The following SLC25A48 variants were observed in gnomAD, a reference collection of about 807,000 sequenced individuals.
SLC25A48 encodes the protein CTC-321K16.1.
In SLC25A48, 29 loss-of-function variants were observed where a neutral mutation model predicts 32.2. That is an observed-to-expected ratio of 0.90 (90% CI 0.67 to 1.23). The LOEUF (loss-of-function observed/expected upper bound fraction) is 1.23. Ranked by LOEUF, SLC25A48 falls within the 50% of genes most tolerant of loss-of-function variation. SLC25A48 has a pLI of 0.00. For missense variants in SLC25A48, 399 were observed against 422.7 expected (o/e 0.94, Z 0.49); for synonymous variants, 164 against 172.3 (o/e 0.95, Z 0.38).
intron 3 of SLC25A48, among the ~76,000 whole-genome samples, chr5:135,734,704 C>T (rs1755311623): frequency 6.6e-6 from 1 of 151,830 alleles, no homozygotes; most frequent in South Asian, 2.1e-4. Flanking sequence ...GTAGTCCCAG[C>T]TACTCAGGAG....
intron 4 of SLC25A48, chr5:135,827,676 C>T (rs1174620035): frequency 6.6e-6 from 1 of 152,270 alleles, no homozygotes; most frequent in Non-Finnish European, 1.5e-5. Flanking sequence ...TGCCTCTGTG[C>T]CCTTCTCCAC....
intron 3 of SLC25A48, among the ~76,000 whole-genome samples, chr5:135,756,071 G>A (rs1246175058): frequency 6.6e-6 from 1 of 151,334 alleles, no homozygotes; most frequent in African/African-American, 2.4e-5. Flanking sequence ...ATGAAATGTC[G>A]CTGTGATATT....
rs190750492 is a variant in SLC25A48 at position 135,697,129 on chromosome 5, A to G, written c.-521+62173A>G. On this transcript the variant is annotated intron_variant, in intron 3 of 10. Transcript: ENST00000646290. ...GAAAATTTCTGGGCTCATTAAAGAC[A>G]TACAATTGACATCCAAAATTATTTG... Among the ~76,000 whole-genome samples, 66 of 152,388 alleles carry G rather than the reference A, an allele frequency of 4.3e-4. No individual in the cohort carries two copies. The East Asian group carries it at 0.012, about 28-fold the overall frequency.
At chr5:135,707,537 C>T (rs1187906740) in intron 3 of SLC25A48, among the ~76,000 whole-genome samples, 5 of 152,232 alleles carry the variant, frequency 3.3e-5, no homozygotes, top group Admixed American at 2.0e-4. Flanking sequence ...CTTGGGTCCC[C>T]GCAGCCCACC....
At chr5:135,790,078 G>C (rs10900838) in intron 3 of SLC25A48, among the ~76,000 whole-genome samples, 98,163 of 151,190 alleles carry the variant, frequency 0.65, 33,992 homozygotes, top group Non-Finnish European at 0.77. Context: ...CACCACGTGT[G>C]ATATTAGGAG....
chr5:135,758,506 T>C (rs538844586), intron 3 of SLC25A48, among the ~76,000 whole-genome samples: 1 of 150,906 alleles, frequency 6.6e-6, no homozygotes, highest in Non-Finnish European at 1.5e-5. Context: ...CACTATGATA[T>C]TAATAGAATA....
chr5:135,835,150 G>A lies in SLC25A48; in HGVS notation c.46+257G>A, dbSNP rs961184814. On this transcript the variant is annotated intron_variant, in intron 1 of 7. Coordinates refer to ENST00000681962, the MANE Select transcript of SLC25A48 (RefSeq NM_001349336.2). ...AGTTAGGATCCGTGGGACTTGATGA[G>A]GTAATGATTAAACAGCTCGTCAAAG... is the stretch of plus-strand genomic sequence containing the variant. 8.8e-6 allele frequency: 6 copies of A among 684,088 alleles called. No homozygotes were observed. In the African/African-American group the frequency reaches 1.1e-4, roughly 12 times the overall value. 42.4% of individuals were successfully genotyped at this position (684,088 alleles called of 1,614,324 possible).
chr5:135,857,058 T>C (rs1485095739), intron 4 of SLC25A48, among the ~76,000 whole-genome samples: 1 of 152,234 alleles, frequency 6.6e-6, no homozygotes, highest in Non-Finnish European at 1.5e-5. Context: ...TTTGCGAATA[T>C]CTGTTTGCAA....
intron 2 of SLC25A48, among the ~76,000 whole-genome samples, chr5:135,843,562 G>T (rs372224824): frequency 6.6e-6 from 1 of 152,202 alleles, no homozygotes; most frequent in Non-Finnish European, 1.5e-5. Flanking sequence ...AATAACACAA[G>T]GTGATGGCAA....
chr5:135,689,577 G>T (rs992077536), intron 3 of SLC25A48, among the ~76,000 whole-genome samples: 3 of 150,620 alleles, frequency 2.0e-5, no homozygotes, highest in Non-Finnish European at 3.0e-5. Context: ...CCTTTTCAAA[G>T]ATCTATTTTG....
chr5:135,766,715 T>G (rs557888148), intron 3 of SLC25A48, among the ~76,000 whole-genome samples: 161 of 146,906 alleles, frequency 1.1e-3, no homozygotes, highest in African/African-American at 3.8e-3. Context: ...TGGGGGAGAG[T>G]GGGTGCTATT....
intron 4 of SLC25A48, among the ~76,000 whole-genome samples, chr5:135,816,131 G>C (rs907828352): frequency 6.6e-6 from 1 of 152,102 alleles, no homozygotes; most frequent in African/African-American, 2.4e-5. Context: ...ATCAGATCTC[G>C]TAAGAACTCC....
chr5:135,635,868 C>G (rs530229152), intron 3 of SLC25A48, among the ~76,000 whole-genome samples: 1 of 152,184 alleles, frequency 6.6e-6, no homozygotes, highest in Non-Finnish European at 1.5e-5. Flanking sequence ...TTCCAGTCAT[C>G]GTTCCTTCTG....
chr5:135,596,494 G>A (rs1751654401), intron 1 of SLC25A48, among the ~76,000 whole-genome samples: 2 of 152,180 alleles, frequency 1.3e-5, no homozygotes, highest in South Asian at 4.1e-4. Context: ...AGCCTCCGTA[G>A]TCCTCAAAGT....
At chr5:135,739,160 C>G (rs1170412344) in intron 3 of SLC25A48, among the ~76,000 whole-genome samples, 2 of 151,904 alleles carry the variant, frequency 1.3e-5, no homozygotes, top group Non-Finnish European at 2.9e-5. Context: ...CTCTGTTGCC[C>G]AGGCTGGAGT....
At chr5:135,791,543 T>C (rs1442779464) in intron 3 of SLC25A48, among the ~76,000 whole-genome samples, 1 of 151,672 alleles carries the variant, frequency 6.6e-6, no homozygotes, top group African/African-American at 2.4e-5. Context: ...ATTCATAATA[T>C]CCTAGGAGTA....
chr5:135,739,680 C>T (rs1002073410), intron 3 of SLC25A48, among the ~76,000 whole-genome samples: 5 of 152,200 alleles, frequency 3.3e-5, no homozygotes, highest in Non-Finnish European at 7.3e-5. Context: ...TTAATCAAGA[C>T]ATATTCAGCA....
chr5:135,636,796 G>A (rs1752716343), intron 3 of SLC25A48, among the ~76,000 whole-genome samples: 1 of 152,154 alleles, frequency 6.6e-6, no homozygotes, highest in Admixed American at 6.5e-5. Context: ...CCGTTACCTC[G>A]AGGTTGAGTA....
chr5:135,821,344 C>T (rs1372310547), intron 4 of SLC25A48, among the ~76,000 whole-genome samples: 2 of 152,156 alleles, frequency 1.3e-5, no homozygotes, highest in Non-Finnish European at 2.9e-5. Context: ...AGAGGAGCCA[C>T]AGAGGAGAGG....
Sources: gnomAD v4.1 joint callset for allele counts (sites outside exome capture counted in the v4.1 genomes callset) on GRCh38, gnomAD v4.1.1 for gene constraint, MANE v1.5 for transcripts, NCBI Gene and HGNC (gene_info 2026-07-23, HGNC 2026-07-21) for gene names.